The following VTA1 variants were observed in gnomAD, a reference collection of about 807,000 sequenced individuals.
VTA1 encodes vacuolar protein sorting-associated protein VTA1 homolog.
VTA1 carries 24 observed loss-of-function variants against 36.9 expected under a neutral mutation model. The observed-to-expected ratio is 0.65, with a 90% CI of 0.47 to 0.91. The LOEUF (loss-of-function observed/expected upper bound fraction) is 0.91. VTA1 is among the 40% of genes least tolerant of loss of function. The probability of loss-of-function intolerance (pLI) is 0.00; values close to 1 mark genes in which losing one functional copy is unlikely to be tolerated. For missense variants in VTA1, 393 were observed against 377.2 expected (o/e 1.04, Z -0.35); for synonymous variants, 142 against 130.2 (o/e 1.09, Z -0.62).
At chr6:142,175,951 CTTA>C (rs1775115265) in intron 4 of VTA1, among the ~76,000 whole-genome samples, 1 of 151,824 alleles carries the variant, frequency 6.6e-6, no homozygotes, top group African/African-American at 2.4e-5. Context: ...TTAACTGTGC[CTTA>C]TTATCATTCC....
chr6:142,176,245 A>G (rs568545096), intron 4 of VTA1, among the ~76,000 whole-genome samples: 2 of 152,348 alleles, frequency 1.3e-5, no homozygotes, highest in South Asian at 4.1e-4. Flanking sequence ...TAATACTGCC[A>G]AGTTAGGTAG....
At chr6:142,209,984 C>G (rs1164256276) in intron 7 of VTA1, among the ~76,000 whole-genome samples, 3 of 152,046 alleles carry the variant, frequency 2.0e-5, no homozygotes, top group Non-Finnish European at 4.4e-5. Context: ...AGGAGCAAAG[C>G]TAAAGGCATC....
chr6:142,157,710 A>G (rs1008368734), intron 1 of VTA1, among the ~76,000 whole-genome samples: 2 of 152,140 alleles, frequency 1.3e-5, no homozygotes, highest in Non-Finnish European at 2.9e-5. Flanking sequence ...ATACTCTTGA[A>G]CAGTCAAGGT....
chr6:142,209,384 C>T (rs1282432026), intron 7 of VTA1, among the ~76,000 whole-genome samples: 2 of 148,226 alleles, frequency 1.3e-5, no homozygotes, highest in Non-Finnish European at 3.0e-5. Flanking sequence ...TGTATATACA[C>T]TATGTGTATA....
Position 142,181,775 on chromosome 6 carries a change from T to C in VTA1, c.412-7651T>C, listed in dbSNP as rs112796853. On this transcript the variant is annotated intron_variant, in intron 4 of 7. Transcript: ENST00000367630. ...TAGAGGAGTTATATTTAAGTCTTTG[T>C]GTATTAAGTTATAGTTATGATTTGG... 7.0e-3 allele frequency among the ~76,000 whole-genome samples: 1,068 copies of C among 152,234 alleles called. 16 individuals carry two copies. The highest frequency in any genetic ancestry group is 0.024 in the African/African-American group (1,018 of 41,560).
chr6:142,191,543 G>C (rs1192475580), intron 5 of VTA1, among the ~76,000 whole-genome samples: 2 of 152,064 alleles, frequency 1.3e-5, no homozygotes, highest in African/African-American at 4.8e-5. Context: ...TTTTCCAAAA[G>C]TCAGCTTAAA....
At chr6:142,169,789 T>A (rs1774994841) in intron 3 of VTA1, 112 bp downstream of exon 3, 1 of 1,025,438 alleles carries the variant, frequency 9.8e-7, no homozygotes, top group South Asian at 2.5e-5. Flanking sequence ...TAGGTTTTTT[T>A]AGAAAAAAAT....
intron 1 of VTA1, among the ~76,000 whole-genome samples, chr6:142,163,780 C>T (rs1449547369): frequency 1.3e-5 from 2 of 152,024 alleles, no homozygotes; most frequent in African/African-American, 4.8e-5. Context: ...CAGCAAGTCT[C>T]AACCTTTTGA....
At chr6:142,176,899 T>G (rs1338466713) in intron 4 of VTA1, among the ~76,000 whole-genome samples, 4 of 152,154 alleles carry the variant, frequency 2.6e-5, no homozygotes, top group Non-Finnish European at 5.9e-5. Context: ...GGCTGCACAT[T>G]TACTGAGGCA....
intron 6 of VTA1, among the ~76,000 whole-genome samples, chr6:142,199,163 T>C (rs2114674382): frequency 6.6e-6 from 1 of 152,166 alleles, no homozygotes; most frequent in Admixed American, 6.5e-5. Context: ...CCTTACACTT[T>C]AAAAAACTAA....
chr6:142,158,833 T>C (rs1778715950), intron 1 of VTA1, among the ~76,000 whole-genome samples: 2 of 152,162 alleles, frequency 1.3e-5, no homozygotes, highest in African/African-American at 4.8e-5. Flanking sequence ...TAGCTTATCA[T>C]AGTCTACTGT....
intron 4 of VTA1, among the ~76,000 whole-genome samples, chr6:142,183,401 G>T (rs1775282415): frequency 1.3e-5 from 2 of 152,148 alleles, no homozygotes; most frequent in African/African-American, 4.8e-5. Flanking sequence ...GAGTCTTACA[G>T]GTCCTAAGTT....
intron 7 of VTA1, among the ~76,000 whole-genome samples, chr6:142,213,255 G>T (rs540190650): frequency 4.7e-4 from 72 of 152,338 alleles, no homozygotes; most frequent in African/African-American, 1.7e-3. Flanking sequence ...TCATTCAATT[G>T]TAAAGCTCCA....
intron 4 of VTA1, among the ~76,000 whole-genome samples, chr6:142,185,714 AAC>A: frequency 6.6e-6 from 1 of 152,254 alleles, no homozygotes; most frequent in Non-Finnish European, 1.5e-5. Flanking sequence ...GTAGGCCTAA[AAC>A]ACTGGAAATT....
chr6:142,195,595 C>CTTTTTTTTTTTTTTTT (rs72442499), intron 5 of VTA1, among the ~76,000 whole-genome samples: 1 of 70,706 alleles, frequency 1.4e-5, no homozygotes, highest in African/African-American at 5.0e-5. Context: ...GTTTAATTTG[C>CTTTTTTTTTTTTTTTT]TTTTTTTTTT....
intron 4 of VTA1, among the ~76,000 whole-genome samples, chr6:142,182,880 G>C (rs887479411): frequency 3.3e-5 from 5 of 152,192 alleles, no homozygotes; most frequent in African/African-American, 1.2e-4. Context: ...GACTGCGTGA[G>C]ATCATCAAGT....
chr6:142,156,119 A>G lies in VTA1; in HGVS notation c.112+8720A>G, dbSNP rs1778656350. 2.0e-5 allele frequency among the ~76,000 whole-genome samples: 3 copies of G among 152,324 alleles called. No individual in the cohort carries two copies. In the South Asian group the frequency reaches 6.2e-4, roughly 32 times the overall value. ...CAGACAACTAGCATTCCTGTAGCTGATTGGCATTTTAACAGTGCTTTCTTT... is the reference window on the plus strand; with the variant it reads ...CAGACAACTAGCATTCCTGTAGCTGGTTGGCATTTTAACAGTGCTTTCTTT... On this transcript the variant is annotated intron_variant, in intron 1 of 7. Transcript: ENST00000367630.
At chr6:142,195,962 T>C (rs577066665) in intron 5 of VTA1, among the ~76,000 whole-genome samples, 27 of 152,294 alleles carry the variant, frequency 1.8e-4, no homozygotes, top group African/African-American at 6.5e-4. Flanking sequence ...TCTGTCTTGG[T>C]GAATGTCCCA....
chr6:142,166,817 A>G (rs1774926628), intron 2 of VTA1, among the ~76,000 whole-genome samples: 1 of 151,986 alleles, frequency 6.6e-6, no homozygotes, highest in South Asian at 2.1e-4. Context: ...GTAGAGATGG[A>G]GTTTGACCAT....
Sources: allele counts gnomAD v4.1 joint callset (sites outside exome capture counted in the v4.1 genomes callset), GRCh38; gene constraint gnomAD v4.1.1; transcripts MANE v1.5; gene names NCBI Gene and HGNC (gene_info 2026-07-23, HGNC 2026-07-21).